The following TIAM1 variants were observed in gnomAD, a reference collection of about 807,000 sequenced individuals.
The protein encoded by TIAM1 is TIAM Rac1 associated GEF 1, also known as rho guanine nucleotide exchange factor TIAM1.
In TIAM1, 65 loss-of-function variants were observed where a neutral mutation model predicts 163.5. The observed-to-expected ratio is 0.40, with a 90% CI of 0.33 to 0.49. The LOEUF (loss-of-function observed/expected upper bound fraction) is 0.49, where lower values mean the gene tolerates loss of function less well. Among genes scored for constraint, TIAM1 ranks in the 20% least tolerant of loss-of-function variants. TIAM1 has a pLI of 0.77. For synonymous variants in TIAM1, 833 were observed against 810.1 expected, an observed-to-expected ratio of 1.03 and a Z score of -0.48; for missense variants, 1,789 against 2,044.7, an observed-to-expected ratio of 0.87 and a Z score of 2.41.
chr21:31,162,642 C>CTT (rs113256464), intron 16 of TIAM1, among the ~76,000 whole-genome samples: 10 of 139,452 alleles, frequency 7.2e-5, no homozygotes, highest in African/African-American at 1.6e-4. Flanking sequence ...ACTTCTTAAT[C>CTT]TTTTTTTTTT....
intron 1 of TIAM1, among the ~76,000 whole-genome samples, chr21:31,511,717 G>A (rs983576049): frequency 6.6e-6 from 1 of 152,188 alleles, no homozygotes; most frequent in Non-Finnish European, 1.5e-5. Flanking sequence ...GACTGATCAT[G>A]TGTAACCTTA....
chr21:31,380,284 C>A (rs2076756219), intron 2 of TIAM1, among the ~76,000 whole-genome samples: 3 of 152,112 alleles, frequency 2.0e-5, no homozygotes, highest in Admixed American at 1.3e-4. Flanking sequence ...GTGGCTCACG[C>A]TGTAATCCCA....
intron 2 of TIAM1, among the ~76,000 whole-genome samples, chr21:31,324,766 G>A (rs1423607324): frequency 6.6e-6 from 1 of 152,180 alleles, no homozygotes; most frequent in Non-Finnish European, 1.5e-5. Flanking sequence ...CATTCAGGCT[G>A]GAGACAAAGA....
chr21:31,197,708 CAAT>C (rs977972747), intron 12 of TIAM1, among the ~76,000 whole-genome samples: 3 of 152,176 alleles, frequency 2.0e-5, no homozygotes, highest in Non-Finnish European at 2.9e-5. Flanking sequence ...ATCATCAAGA[CAAT>C]AACTTACAGA....
In TIAM1 at chr21:31,213,465, C is replaced by G; in HGVS notation, c.2150G>C (p.Gly717Ala). 7 of 1,613,956 alleles carry G rather than the reference C, an allele frequency of 4.3e-6. No individual in the cohort carries two copies. Among genetic ancestry groups the G allele is most frequent in the Non-Finnish European group, 5.9e-6 (7 of 1,179,996 alleles). ...QGRPSINQVF[G>A]EGTEAVKKSL... ...TTTCTTTACAGCTTCGGTTCCCTCT[C>G]CAAACACCTGCATATACAAAAGTAC... The change falls in exon 10 of 28, where the codon GGA (glycine) becomes GCA (alanine). Residue 717 changes from glycine to alanine, a missense_variant. Physicochemically the swap from Gly to Ala is moderately conservative, Grantham distance 60. Around this residue, in one of 5 missense-constraint regions of TIAM1, gnomAD observed 456 missense variants for 586.6 expected, o/e 0.78. Coordinates refer to ENST00000541036, the MANE Select transcript of TIAM1 (RefSeq NM_001353694.2).
At chr21:31,425,924 G>A (rs1180339142) in intron 2 of TIAM1, among the ~76,000 whole-genome samples, 1 of 152,008 alleles carries the variant, frequency 6.6e-6, no homozygotes, top group African/African-American at 2.4e-5. Flanking sequence ...GTAGAGATGA[G>A]GTCTCGTCAT....
chr21:31,290,828 G>A (rs915666438), intron 2 of TIAM1, among the ~76,000 whole-genome samples: 3 of 151,878 alleles, frequency 2.0e-5, no homozygotes, highest in East Asian at 1.9e-4. Context: ...GCCTTATTAC[G>A]AAGTCATATC....
intron 14 of TIAM1, among the ~76,000 whole-genome samples, chr21:31,185,236 A>C (rs1451633356): frequency 6.6e-6 from 1 of 151,902 alleles, no homozygotes; most frequent in Non-Finnish European, 1.5e-5. Context: ...TGTCCCATTT[A>C]TTTACAGCGA....
intron 16 of TIAM1, among the ~76,000 whole-genome samples, chr21:31,161,077 GTT>G (rs61577077): frequency 9.2e-5 from 13 of 140,874 alleles, no homozygotes; most frequent in South Asian, 4.4e-4. Flanking sequence ...GTGTGTGTGT[GTT>G]TAACAGTTGA....
chr21:31,192,383 C>G (rs1258140638), intron 13 of TIAM1, among the ~76,000 whole-genome samples: 2 of 151,936 alleles, frequency 1.3e-5, no homozygotes, highest in African/African-American at 4.8e-5. Context: ...TTTGGGAGGC[C>G]GAGGTGGGTG....
intron 5 of TIAM1, among the ~76,000 whole-genome samples, chr21:31,249,583 G>T (rs2071683810): frequency 6.6e-6 from 1 of 152,082 alleles, no homozygotes; most frequent in African/African-American, 2.4e-5. Flanking sequence ...TGCTAAGATG[G>T]GCTGCTAAGG....
intron 2 of TIAM1, among the ~76,000 whole-genome samples, chr21:31,441,448 C>G (rs1405854057): frequency 2.0e-5 from 3 of 152,190 alleles, no homozygotes; most frequent in Non-Finnish European, 4.4e-5. Context: ...TCTCACAAAC[C>G]TGCAAGCACT....
chr21:31,305,905 G>A (rs1008802025), intron 2 of TIAM1, among the ~76,000 whole-genome samples: 5 of 151,976 alleles, frequency 3.3e-5, no homozygotes, highest in South Asian at 2.1e-4. Context: ...TGCTCACGGG[G>A]GTGACTGCCA....
intron 2 of TIAM1, among the ~76,000 whole-genome samples, chr21:31,337,082 G>C (rs1285541707): frequency 6.6e-6 from 1 of 152,170 alleles, no homozygotes; most frequent in Non-Finnish European, 1.5e-5. Context: ...TCAAATCCTG[G>C]TACCTCACTT....
intron 2 of TIAM1, among the ~76,000 whole-genome samples, chr21:31,436,951 C>A (rs968184642): frequency 3.3e-5 from 5 of 152,110 alleles, no homozygotes; most frequent in African/African-American, 1.2e-4. Flanking sequence ...CAGTGAGATT[C>A]CATCTCAACA....
At chr21:31,432,100 T>TTTTTTTTC (rs1185769693) in intron 2 of TIAM1, among the ~76,000 whole-genome samples, 2 of 134,122 alleles carry the variant, frequency 1.5e-5, no homozygotes, top group African/African-American at 5.8e-5. Context: ...CCTTTTTTTT[T>TTTTTTTTC]TTTTTTTTTT....
intron 2 of TIAM1, among the ~76,000 whole-genome samples, chr21:31,410,773 G>A (rs1023080961): frequency 2.0e-5 from 3 of 151,970 alleles, no homozygotes; most frequent in African/African-American, 7.3e-5. Flanking sequence ...AAAAGAGAGA[G>A]ACCAACAGAG....
At chr21:31,546,038 A>T (rs919866470) in intron 1 of TIAM1, among the ~76,000 whole-genome samples, 2 of 151,434 alleles carry the variant, frequency 1.3e-5, no homozygotes, top group African/African-American at 4.9e-5. Context: ...AGTTGCTTTT[A>T]TACAGGAAGA....
chr21:31,334,493 C>T (rs1450639735), intron 2 of TIAM1, among the ~76,000 whole-genome samples: 2 of 152,298 alleles, frequency 1.3e-5, no homozygotes, highest in Non-Finnish European at 1.5e-5. Context: ...CATATTGATG[C>T]TGTTTGATCA....
Sources: gnomAD v4.1 joint callset for allele counts (sites outside exome capture counted in the v4.1 genomes callset) on GRCh38, gnomAD v4.1.1 for gene constraint, gnomAD v4.1.1 regional missense constraint, MANE v1.5 for transcripts, NCBI Gene and HGNC (gene_info 2026-07-23, HGNC 2026-07-21) for gene names.